The following GPR39 variants were observed in gnomAD, a reference collection of about 807,000 sequenced individuals.
GPR39 encodes the protein zinc sensing receptor.
Under a neutral mutation model 18.4 loss-of-function variants are expected in GPR39, and 23 were observed. That is an observed-to-expected ratio of 1.25 (90% CI 0.90 to 1.77). The LOEUF is 1.77. Ranked by LOEUF, GPR39 falls within the 40% of genes most tolerant of loss-of-function variation. The pLI, the probability that GPR39 is intolerant of heterozygous loss-of-function variation, is 0.00. For missense variants in GPR39, 647 were observed against 602.4 expected, an observed-to-expected ratio of 1.07 and a Z score of -0.78; for synonymous variants, 280 against 257.9, an observed-to-expected ratio of 1.09 and a Z score of -0.82.
intron 1 of GPR39, among the ~76,000 whole-genome samples, chr2:132,453,054 A>G (rs1042806293): frequency 3.9e-5 from 6 of 152,198 alleles, no homozygotes; most frequent in African/African-American, 1.4e-4. Context: ...AGGAATCACC[A>G]CACTGTCTTC....
chr2:132,423,587 G>C (rs944812039), intron 1 of GPR39, among the ~76,000 whole-genome samples: 1 of 151,966 alleles, frequency 6.6e-6, no homozygotes, highest in East Asian at 1.9e-4. Context: ...TGCCTGGCAT[G>C]CTTTTCTATC....
chr2:132,594,530 A>G (rs1271954979), intron 1 of GPR39, among the ~76,000 whole-genome samples: 2 of 152,066 alleles, frequency 1.3e-5, no homozygotes, highest in Non-Finnish European at 2.9e-5. Context: ...AATGTTCACT[A>G]AATTTTTAAT....
At chr2:132,553,389 AG>A (rs1341001704) in intron 1 of GPR39, among the ~76,000 whole-genome samples, 1 of 149,348 alleles carries the variant, frequency 6.7e-6, no homozygotes, top group African/African-American at 2.5e-5. Flanking sequence ...GTATATATAT[AG>A]TGTATATATA....
intron 1 of GPR39, among the ~76,000 whole-genome samples, chr2:132,610,004 C>T (rs6726461): frequency 0.22 from 33,594 of 151,680 alleles, 3,998 homozygotes; most frequent in African/African-American, 0.29. Context: ...TGTTCATTTG[C>T]CAAGACTCAG....
chr2:132,624,418 G>A (rs982445974), intron 1 of GPR39, among the ~76,000 whole-genome samples: 3 of 152,186 alleles, frequency 2.0e-5, no homozygotes, highest in Middle Eastern at 3.2e-3. Flanking sequence ...TAGTGACCAT[G>A]ACATTTATTA....
At chr2:132,510,964 T>C (rs1679228736) in intron 1 of GPR39, among the ~76,000 whole-genome samples, 1 of 152,228 alleles carries the variant, frequency 6.6e-6, no homozygotes, top group Non-Finnish European at 1.5e-5. Flanking sequence ...AATTTTCGTT[T>C]ATTCAGATTA....
intron 1 of GPR39, among the ~76,000 whole-genome samples, chr2:132,541,927 G>A (rs923778431): frequency 6.6e-6 from 1 of 152,208 alleles, no homozygotes; most frequent in Admixed American, 6.5e-5. Flanking sequence ...GTGCCAGCAG[G>A]TTTGGTGTCT....
chr2:132,540,221 T>G (rs1679837161), intron 1 of GPR39, among the ~76,000 whole-genome samples: 2 of 150,952 alleles, frequency 1.3e-5, no homozygotes, highest in South Asian at 4.2e-4. Flanking sequence ...AATATAAAAC[T>G]TAAAATTGTC....
chr2:132,425,665 G>A (rs1338022664), intron 1 of GPR39, among the ~76,000 whole-genome samples: 3 of 152,180 alleles, frequency 2.0e-5, no homozygotes, highest in African/African-American at 7.2e-5. Flanking sequence ...GAGATTTTCT[G>A]TGTGGATTTA....
chr2:132,543,376 A>AG (rs1408426082), intron 1 of GPR39, among the ~76,000 whole-genome samples: 2 of 152,164 alleles, frequency 1.3e-5, no homozygotes, highest in African/African-American at 4.8e-5. Flanking sequence ...GGGCATGTTT[A>AG]GGCAAGTCCC....
At chr2:132,568,797 G>T (rs1331976718) in intron 1 of GPR39, among the ~76,000 whole-genome samples, 2 of 152,066 alleles carry the variant, frequency 1.3e-5, no homozygotes, top group Admixed American at 1.3e-4. Context: ...TGGCTTGATA[G>T]CATGCCCTGC....
chr2:132,527,760 A>G (rs7566019), intron 1 of GPR39, among the ~76,000 whole-genome samples: 1 of 152,114 alleles, frequency 6.6e-6, no homozygotes, highest in Non-Finnish European at 1.5e-5. Flanking sequence ...GTCTGTTCAT[A>G]TCCTACTCCC....
At chr2:132,629,970 G>A (rs778275376) in intron 1 of GPR39, among the ~76,000 whole-genome samples, 2 of 152,126 alleles carry the variant, frequency 1.3e-5, no homozygotes, top group African/African-American at 4.8e-5. Flanking sequence ...ACGATAGTGC[G>A]TCTTATTGTT....
At position 132,417,706 on chromosome 2, in the gene GPR39, T is replaced by G; in HGVS notation, c.664T>G (p.Ser222Ala). Reference sequence around the variant, plus strand: ...CTCCAGCCGCTGGACCGTGTTCCAGTCCAGCATCTTCGGCGCCTTCGTGGT... The same window carrying G: ...CTCCAGCCGCTGGACCGTGTTCCAGGCCAGCATCTTCGGCGCCTTCGTGGT... ...NLSSRWTVFQ[S>A]SIFGAFVVYL... is the part of the protein sequence containing the mutation. Residue 222 changes from serine to alanine, a missense_variant, in exon 1 of 2, where the codon TCC becomes GCC. By Grantham distance (99) the Ser-to-Ala change is moderately conservative. Around this residue, in one of 3 missense-constraint regions of GPR39, gnomAD observed 581 missense variants for 506.8 expected, o/e 1.15. Transcript: ENST00000329321. 1 of 1,614,142 alleles carries G rather than the reference T, an allele frequency of 6.2e-7. No individual in the cohort carries two copies. Among genetic ancestry groups the G allele is most frequent in the Non-Finnish European group, 8.5e-7 (1 of 1,180,022 alleles).
At chr2:132,536,901 CTTTGCTTTCCA>C (rs1679768095) in intron 1 of GPR39, among the ~76,000 whole-genome samples, 1 of 151,804 alleles carries the variant, frequency 6.6e-6, no homozygotes, top group South Asian at 2.1e-4. Flanking sequence ...CCTGCTTTTT[CTTTGCTTTCCA>C]TTTGCTTGGT....
chr2:132,571,365 A>G (rs888950293), intron 1 of GPR39, among the ~76,000 whole-genome samples: 2 of 152,186 alleles, frequency 1.3e-5, no homozygotes, highest in Admixed American at 6.5e-5. Context: ...AAATTTGATC[A>G]TTCTGGTTAT....
chr2:132,598,430 A>AATTTTTTTT, intron 1 of GPR39, among the ~76,000 whole-genome samples: 1 of 66,182 alleles, frequency 1.5e-5, no homozygotes, highest in East Asian at 8.2e-4. Context: ...TCTAAGGTGA[A>AATTTTTTTT]CTTTTTTTTT....
At chr2:132,454,285 C>T (rs1010491225) in intron 1 of GPR39, among the ~76,000 whole-genome samples, 4 of 152,118 alleles carry the variant, frequency 2.6e-5, no homozygotes, top group Non-Finnish European at 4.4e-5. Flanking sequence ...CTCTGTTTGT[C>T]TGTTAATGGT....
intron 1 of GPR39, among the ~76,000 whole-genome samples, chr2:132,565,396 CTTTTTTT>C (rs67095358): frequency 1.4e-5 from 2 of 138,020 alleles, no homozygotes; most frequent in Non-Finnish European, 3.1e-5. Flanking sequence ...GATGAGTTTC[CTTTTTTT>C]TTTTTTTTTA....
Sources: allele counts gnomAD v4.1 joint callset (sites outside exome capture counted in the v4.1 genomes callset), GRCh38; gene constraint gnomAD v4.1.1; regional missense constraint gnomAD v4.1.1; transcripts MANE v1.5; gene names NCBI Gene and HGNC (gene_info 2026-07-23, HGNC 2026-07-21).